The following CALN1 variants were observed in gnomAD, a reference collection of about 807,000 sequenced individuals.
CALN1 encodes the protein calneuron 1, also known as calcium-binding protein 8.
CALN1 carries 17 observed loss-of-function variants against 30.6 expected under a neutral mutation model. The observed-to-expected ratio is 0.56, with a 90% confidence interval of 0.38 to 0.83. The LOEUF is 0.83. Among genes scored for constraint, CALN1 ranks in the 40% least tolerant of loss-of-function variants. The pLI, the probability that CALN1 is intolerant of heterozygous loss-of-function variation, is 0.00. For missense variants in CALN1, 291 were observed against 354.9 expected, an observed-to-expected ratio of 0.82 and a Z score of 1.45; for synonymous variants, 156 against 131.4, an observed-to-expected ratio of 1.19 and a Z score of -1.28.
rs1585218944 is a variant in CALN1 at position 72,230,021 on chromosome 7, G to A, written c.244+48665C>T. ...CTGGGCGTGGTGGTGGGCGCCTGTA[G>A]TTCCAGCTACTCAGGAGGCTGAGGC... On this transcript the variant is annotated intron_variant, in intron 3 of 6. Transcript: ENST00000395275. Among the ~76,000 whole-genome samples the A allele has an allele frequency of 1.3e-5, 2 of 151,740 alleles. 1 individual carries two copies. The highest frequency in any genetic ancestry group is 1.3e-4 in the Admixed American group (2 of 15,236).
At chr7:71,909,642 CT>C (rs1215473598) in intron 5 of CALN1, among the ~76,000 whole-genome samples, 2 of 152,244 alleles carry the variant, frequency 1.3e-5, no homozygotes, top group East Asian at 3.9e-4. Flanking sequence ...GCTTCCATAC[CT>C]TTTTGTCATA....
chr7:72,328,435 G>A (rs372887082), intron 2 of CALN1, among the ~76,000 whole-genome samples: 9 of 152,238 alleles, frequency 5.9e-5, no homozygotes, highest in East Asian at 3.9e-4. Context: ...TTCATCTTCC[G>A]CCATGATTGT....
At chr7:72,179,588 A>G (rs10236976) in intron 3 of CALN1, among the ~76,000 whole-genome samples, 108,764 of 151,638 alleles carry the variant, frequency 0.72, 39,582 homozygotes, top group East Asian at 1. Flanking sequence ...GAATATAAGC[A>G]CATGTGTGTA....
intron 5 of CALN1, among the ~76,000 whole-genome samples, chr7:71,870,395 AT>A (rs1791856063): frequency 1.3e-5 from 2 of 151,612 alleles, no homozygotes; most frequent in African/African-American, 4.9e-5. Context: ...AAAAAAAAAA[AT>A]GAGTGCTCTA....
intron 2 of CALN1, among the ~76,000 whole-genome samples, chr7:72,291,619 A>G (rs1798482745): frequency 6.6e-6 from 1 of 152,222 alleles, no homozygotes. Flanking sequence ...CTGGGAAGAA[A>G]ATAAGCATCA....
intron 5 of CALN1, among the ~76,000 whole-genome samples, chr7:71,959,753 G>T (rs1797144362): frequency 6.6e-6 from 1 of 152,026 alleles, no homozygotes; most frequent in South Asian, 2.1e-4. Context: ...GTGCTCATAG[G>T]ACTAGAATCT....
chr7:71,822,372 C>T (rs1788646796), intron 5 of CALN1, among the ~76,000 whole-genome samples: 1 of 152,182 alleles, frequency 6.6e-6, no homozygotes, highest in Non-Finnish European at 1.5e-5. Flanking sequence ...CCTCAGCCTC[C>T]CGAGTAGCTG....
chr7:72,494,210 A>T, the CALN1 span, among the ~76,000 whole-genome samples: 1 of 152,108 alleles, frequency 6.6e-6, no homozygotes. Context: ...AGCCCCGTGG[A>T]ACTTGGAACA....
intron 4 of CALN1, among the ~76,000 whole-genome samples, chr7:72,065,153 T>C (rs1480470808): frequency 8.6e-6 from 1 of 116,872 alleles, no homozygotes; most frequent in Non-Finnish European, 2.0e-5. Context: ...AAAATATTAA[T>C]ATTAAAATAT....
At chr7:71,815,074 C>A (rs1341717245) in intron 5 of CALN1, among the ~76,000 whole-genome samples, 1 of 152,202 alleles carries the variant, frequency 6.6e-6, no homozygotes, top group Non-Finnish European at 1.5e-5. Flanking sequence ...ACCCTGTGAT[C>A]TGCCCGGCTC....
chr7:72,050,399 T>C (rs971503334), intron 4 of CALN1, among the ~76,000 whole-genome samples: 1 of 152,158 alleles, frequency 6.6e-6, no homozygotes, highest in African/African-American at 2.4e-5. Context: ...TCTTAAAACA[T>C]TCATGAAACA....
chr7:72,180,614 T>TC (rs1221193871), intron 3 of CALN1, among the ~76,000 whole-genome samples: 2 of 148,710 alleles, frequency 1.3e-5, no homozygotes, highest in Non-Finnish European at 3.0e-5. Context: ...TTTCTTTTTT[T>TC]TTTTTTTTTT....
At chr7:72,236,065 G>A (rs1253500709) in intron 3 of CALN1, among the ~76,000 whole-genome samples, 2 of 126,388 alleles carry the variant, frequency 1.6e-5, no homozygotes, top group East Asian at 2.4e-4. Context: ...GCAATATAAT[G>A]AGCCCATTCT....
chr7:72,136,951 G>A (rs1809553329), intron 3 of CALN1, among the ~76,000 whole-genome samples: 1 of 151,958 alleles, frequency 6.6e-6, no homozygotes, highest in Non-Finnish European at 1.5e-5. Flanking sequence ...TGATCACGAT[G>A]TAAGAATTAA....
At chr7:72,106,620 AAG>A (rs1467748522) in intron 3 of CALN1, among the ~76,000 whole-genome samples, 3 of 145,990 alleles carry the variant, frequency 2.1e-5, no homozygotes, top group Non-Finnish European at 3.0e-5. Flanking sequence ...GGGAGGAAAA[AAG>A]AGAAAGAAGA....
chr7:72,035,797 T>C (rs1176794536), intron 4 of CALN1, among the ~76,000 whole-genome samples: 2 of 152,236 alleles, frequency 1.3e-5, no homozygotes, highest in African/African-American at 4.8e-5. Flanking sequence ...ATACATTACA[T>C]GGCCCAAACC....
the CALN1 span, among the ~76,000 whole-genome samples, chr7:72,459,645 A>AG: frequency 6.6e-6 from 1 of 151,494 alleles, no homozygotes; most frequent in African/African-American, 2.4e-5. Context: ...AAAAAAAAAA[A>AG]GGCTAGACCA....
At chr7:72,426,520 T>C (rs1268181567) in intron 1 of CALN1, among the ~76,000 whole-genome samples, 1 of 152,244 alleles carries the variant, frequency 6.6e-6, no homozygotes, top group Middle Eastern at 3.2e-3. Flanking sequence ...CCTGAGGCCT[T>C]CTCAGCTATG....
At chr7:72,159,448 T>C (rs973385269) in intron 3 of CALN1, among the ~76,000 whole-genome samples, 1 of 151,888 alleles carries the variant, frequency 6.6e-6, no homozygotes, top group African/African-American at 2.4e-5. Flanking sequence ...TGCAGAGAAC[T>C]ATGACCACGC....
Sources: gnomAD v4.1 joint callset for allele counts (sites outside exome capture counted in the v4.1 genomes callset) on GRCh38, gnomAD v4.1.1 for gene constraint, MANE v1.5 for transcripts, NCBI Gene and HGNC (gene_info 2026-07-23, HGNC 2026-07-21) for gene names.